CTPS2: variants seen among roughly 807,000 people sequenced by gnomAD.
The protein encoded by CTPS2 is CTP synthase 2, also known as CTP synthase II.
A neutral mutation model predicts 46.8 loss-of-function variants in CTPS2; 19 were observed. The observed-to-expected ratio is 0.41, with a 90% confidence interval of 0.28 to 0.60. CTPS2 has a LOEUF of 0.60. Ranked by LOEUF, CTPS2 falls within the 20% of genes least tolerant of loss-of-function variation. The probability of loss-of-function intolerance (pLI) is 0.35; values close to 1 mark genes in which losing one functional copy is unlikely to be tolerated. For synonymous variants in CTPS2, 151 were observed against 165.2 expected, an observed-to-expected ratio of 0.91 and a Z score of 0.66; for missense variants, 286 against 447.6, an observed-to-expected ratio of 0.64 and a Z score of 3.26.
chrX:16,687,074 T>G (rs920065116), intron 8 of CTPS2, among the ~76,000 whole-genome samples: 4 of 110,796 alleles, frequency 3.6e-5, no homozygotes, highest in African/African-American at 1.3e-4. Flanking sequence ...GTGGATGCAT[T>G]GATTTTGCAC....
intron 13 of CTPS2, among the ~76,000 whole-genome samples, chrX:16,641,655 G>C (rs1461479342): frequency 3.6e-5 from 4 of 112,293 alleles, no homozygotes; most frequent in Non-Finnish European, 7.5e-5. Flanking sequence ...AAGATTGCTA[G>C]AGCCTAGGAG....
In CTPS2 at chrX:16,699,020, A is replaced by G; in HGVS notation, c.240T>C (p.Ile80=). 8.4e-7 allele frequency: 1 copy of G among 1,184,194 alleles called. No individual in the cohort carries two copies. Among genetic ancestry groups the G allele is most frequent in the Non-Finnish European group, 1.1e-6 (1 of 878,115 alleles). Residue 80 remains isoleucine (I), a synonymous_variant, in exon 3 of 19, where the codon ATT becomes ATC. Transcript: ENST00000359276. ...DLGNYERFLD[I]NLYKDNNITT... ...TGATATTGTTGTCTTTATAAAGATTAATATCCAAAAATCTTTCATAATTTC... is the reference window on the plus strand; with the variant it reads ...TGATATTGTTGTCTTTATAAAGATTGATATCCAAAAATCTTTCATAATTTC...
At chrX:16,685,136 C>T (rs1923071426) in intron 8 of CTPS2, among the ~76,000 whole-genome samples, 2 of 111,632 alleles carry the variant, frequency 1.8e-5, no homozygotes, top group African/African-American at 3.2e-5. Flanking sequence ...GATGACAGCA[C>T]ACCAAGTAGT....
intron 17 of CTPS2, among the ~76,000 whole-genome samples, chrX:16,608,412 C>A (rs1008509201): frequency 9.3e-6 from 1 of 107,796 alleles, no homozygotes; most frequent in Non-Finnish European, 1.9e-5. Flanking sequence ...TATAGTGAGA[C>A]CTTGTCTCTA....
At chrX:16,674,819 C>A (rs1164715598) in intron 10 of CTPS2, among the ~76,000 whole-genome samples, 2 of 100,363 alleles carry the variant, frequency 2.0e-5, no homozygotes, top group African/African-American at 7.7e-5. Flanking sequence ...GCCTGGGCAA[C>A]AAGGCGAGAC....
chrX:16,700,523 C>A (rs1475468411), intron 2 of CTPS2, among the ~76,000 whole-genome samples: 1 of 104,224 alleles, frequency 9.6e-6, no homozygotes, highest in Non-Finnish European at 2.0e-5. Flanking sequence ...GGTCACACCA[C>A]TGCACTCCAG....
chrX:16,604,889 A>G (rs1204653387), intron 17 of CTPS2, among the ~76,000 whole-genome samples: 1 of 112,272 alleles, frequency 8.9e-6, no homozygotes, highest in South Asian at 3.7e-4. Context: ...TCAGCAAAGA[A>G]TTGCAATGAT....
chrX:16,658,783 T>C (rs1242418416), intron 13 of CTPS2, among the ~76,000 whole-genome samples: 1 of 112,405 alleles, frequency 8.9e-6, no homozygotes, highest in Non-Finnish European at 1.9e-5. Flanking sequence ...TCCCTTACTA[T>C]TTCACCATGA....
At chrX:16,592,704 C>G (rs1026542743) in intron 17 of CTPS2, among the ~76,000 whole-genome samples, 4 of 112,037 alleles carry the variant, frequency 3.6e-5, no homozygotes, top group Non-Finnish European at 7.5e-5. Context: ...AATGTTATCT[C>G]CTTCAGATCA....
intron 1 of CTPS2, among the ~76,000 whole-genome samples, chrX:16,703,182 G>A (rs938738895): frequency 2.8e-5 from 3 of 108,901 alleles, no homozygotes; most frequent in African/African-American, 1.0e-4. Context: ...GCACCACCAC[G>A]CCCTGCTAAT....
intron 13 of CTPS2, among the ~76,000 whole-genome samples, chrX:16,647,178 G>A (rs1193740167): frequency 2.7e-5 from 3 of 109,582 alleles, no homozygotes; most frequent in East Asian, 2.8e-4. Context: ...AAGCCGCACA[G>A]GCTGTTTTTC....
chrX:16,639,781 G>GGA (rs1931966689), intron 13 of CTPS2, among the ~76,000 whole-genome samples: 1 of 46,552 alleles, frequency 2.1e-5, no homozygotes, highest in African/African-American at 1.0e-4. Context: ...GAAAAGAAAA[G>GGA]AAAGAAAGAA....
chrX:16,699,776 T>G, intron 2 of CTPS2, among the ~76,000 whole-genome samples: 1 of 112,323 alleles, frequency 8.9e-6, no homozygotes, highest in East Asian at 2.8e-4. Context: ...TACTGTTAGA[T>G]GTCCACAGGA....
At chrX:16,621,433 C>A (rs973536542) in intron 14 of CTPS2, among the ~76,000 whole-genome samples, 2 of 104,358 alleles carry the variant, frequency 1.9e-5, no homozygotes, top group Non-Finnish European at 3.9e-5. Context: ...CACATGTACC[C>A]TAGAACTTAA....
At chrX:16,642,828 A>G (rs1932143846) in intron 13 of CTPS2, among the ~76,000 whole-genome samples, 1 of 112,354 alleles carries the variant, frequency 8.9e-6, no homozygotes, top group Admixed American at 9.4e-5. Context: ...TAAAGAAAAT[A>G]ATCTCAAATA....
chrX:16,685,733 G>A (rs1017926065), intron 8 of CTPS2, among the ~76,000 whole-genome samples: 1 of 107,417 alleles, frequency 9.3e-6, no homozygotes, highest in East Asian at 2.9e-4. Flanking sequence ...CGGGCGTGGT[G>A]GTGGGCGCCT....
chrX:16,677,159 C>T (rs1922350263), intron 10 of CTPS2, among the ~76,000 whole-genome samples: 1 of 110,532 alleles, frequency 9.0e-6, no homozygotes, highest in Non-Finnish European at 1.9e-5. Flanking sequence ...AACTGCATAT[C>T]AGCTTGGTTC....
chrX:16,702,341 A>G (rs1436507363), intron 2 of CTPS2, among the ~76,000 whole-genome samples: 1 of 112,510 alleles, frequency 8.9e-6, no homozygotes, highest in Non-Finnish European at 1.9e-5. Flanking sequence ...GGCATGAGCC[A>G]CCGCACTGGG....
At chrX:16,686,903 CAA>C in intron 8 of CTPS2, among the ~76,000 whole-genome samples, 1 of 89,499 alleles carries the variant, frequency 1.1e-5, no homozygotes, top group Non-Finnish European at 2.2e-5. Flanking sequence ...GACTCCATCT[CAA>C]AAAAAAAAAA....
Sources: gnomAD v4.1 joint callset for allele counts (sites outside exome capture counted in the v4.1 genomes callset) on GRCh38, gnomAD v4.1.1 for gene constraint, MANE v1.5 for transcripts, NCBI Gene and HGNC (gene_info 2026-07-23, HGNC 2026-07-21) for gene names.